ADAM12: variants seen among roughly 807,000 people sequenced by gnomAD.
The protein encoded by ADAM12 is ADAM metallopeptidase domain 12.
ADAM12 carries 70 observed loss-of-function variants against 106.4 expected under a neutral mutation model. The ratio of observed to expected loss-of-function variants is 0.66; its 90% CI spans 0.54 to 0.80. The LOEUF (loss-of-function observed/expected upper bound fraction) is 0.80. Among genes scored for constraint, ADAM12 ranks in the 30% least tolerant of loss-of-function variants. The pLI is 0.00. For synonymous variants in ADAM12, 420 were observed against 433.5 expected (o/e 0.97, Z 0.39); for missense variants, 1,010 against 1,171.9 (o/e 0.86, Z 2.02).
At position 126,042,159 on chromosome 10, in the gene ADAM12, C is replaced by G. The variant is rs34265990; in HGVS notation, c.2104+881G>C. Reference sequence around the variant, plus strand: ...AGATGAGTGTCAGTGAGGCAGTAGACGCATGCTCCTGCGATCCCACGGGCT... The same window carrying G: ...AGATGAGTGTCAGTGAGGCAGTAGAGGCATGCTCCTGCGATCCCACGGGCT... On this transcript the variant is annotated intron_variant, in intron 18 of 22. Coordinates refer to ENST00000448723, the MANE Select transcript of ADAM12 (RefSeq NM_001288973.2). The G allele has an allele frequency of 1.9e-6, 3 of 1,613,728 alleles. No individual in the cohort carries two copies. In the East Asian group the frequency reaches 6.7e-5, roughly 36 times the overall value.
chr10:126,346,303 T>G (rs969497014), intron 1 of ADAM12, among the ~76,000 whole-genome samples: 4 of 152,244 alleles, frequency 2.6e-5, no homozygotes, highest in African/African-American at 7.2e-5. Context: ...CAGGAGCAGG[T>G]TGTTCAGTTT....
chr10:126,175,249 A>C (rs1377826344), intron 3 of ADAM12, among the ~76,000 whole-genome samples: 1 of 152,212 alleles, frequency 6.6e-6, no homozygotes, highest in East Asian at 1.9e-4. Context: ...AACACACAGC[A>C]CCGGAAGACC....
chr10:126,243,072 C>G (rs1357593334), intron 3 of ADAM12, among the ~76,000 whole-genome samples: 1 of 152,214 alleles, frequency 6.6e-6, no homozygotes, highest in Non-Finnish European at 1.5e-5. Flanking sequence ...GACACATTCA[C>G]CCTGTCAGCG....
chr10:126,312,040 G>A (rs1017467498), intron 2 of ADAM12, among the ~76,000 whole-genome samples: 1 of 151,010 alleles, frequency 6.6e-6, no homozygotes, highest in Non-Finnish European at 1.5e-5. Context: ...CCCTTTGCCT[G>A]TGGGGTCGGT....
chr10:126,023,904 C>G (rs1953816980), intron 21 of ADAM12, among the ~76,000 whole-genome samples: 1 of 122,536 alleles, frequency 8.2e-6, no homozygotes, highest in African/African-American at 3.3e-5. Context: ...AAAGTGAACT[C>G]ATGGAAAAAA....
intron 2 of ADAM12, among the ~76,000 whole-genome samples, chr10:126,292,685 T>C (rs1960207011): frequency 6.6e-6 from 1 of 152,222 alleles, no homozygotes; most frequent in Non-Finnish European, 1.5e-5. Context: ...ACAGTCCCTG[T>C]CATGACTGCT....
intron 2 of ADAM12, among the ~76,000 whole-genome samples, chr10:126,279,766 G>C (rs117759218): frequency 6.6e-6 from 1 of 152,158 alleles, no homozygotes; most frequent in East Asian, 1.9e-4. Flanking sequence ...AGAGTGGAGG[G>C]AGAGTTGGGT....
chr10:126,031,581 C>A (rs1273132646), intron 21 of ADAM12, among the ~76,000 whole-genome samples: 1 of 152,196 alleles, frequency 6.6e-6, no homozygotes, highest in Non-Finnish European at 1.5e-5. Flanking sequence ...CATTCATCAC[C>A]TTTTATAAAG....
intron 2 of ADAM12, among the ~76,000 whole-genome samples, chr10:126,306,049 T>A (rs527851004): frequency 2.0e-5 from 3 of 152,170 alleles, no homozygotes; most frequent in African/African-American, 4.8e-5. Flanking sequence ...CTTAACCCCA[T>A]CTGATAATCC....
At chr10:126,328,496 G>A (rs939538668) in intron 2 of ADAM12, among the ~76,000 whole-genome samples, 2 of 152,090 alleles carry the variant, frequency 1.3e-5, no homozygotes, top group South Asian at 2.1e-4. Context: ...ATGTATACAC[G>A]TCTTCCCCAT....
In ADAM12 at chr10:126,064,496, G is replaced by A. The variant is rs974774868; in HGVS notation, c.1609+310C>T. On this transcript the variant is annotated intron_variant, in intron 14 of 22. Transcript: ENST00000448723. This position sits in a 1 kb window ranked among gnomAD's most constrained non-coding sequence, Gnocchi z 4.4. Reference sequence around the variant, plus strand: ...TGCTCCTGCAGCTCCCGTATCTCCCGGGGCACACAGGTGCTCCTGCATCTT... The same window carrying A: ...TGCTCCTGCAGCTCCCGTATCTCCCAGGGCACACAGGTGCTCCTGCATCTT... 3.9e-5 allele frequency among the ~76,000 whole-genome samples: 6 copies of A among 151,990 alleles called. No individual in the cohort carries two copies. Among genetic ancestry groups the A allele is most frequent in the African/African-American group, 7.2e-5 (3 of 41,380 alleles).
chr10:126,152,501 C>A (rs1319136351), intron 4 of ADAM12, among the ~76,000 whole-genome samples: 1 of 151,714 alleles, frequency 6.6e-6, no homozygotes, highest in Non-Finnish European at 1.5e-5. Context: ...CCCTTTATGC[C>A]TATTAATGTC....
chr10:126,343,846 C>T (rs1855031173), intron 1 of ADAM12, among the ~76,000 whole-genome samples: 1 of 152,182 alleles, frequency 6.6e-6, no homozygotes, highest in Admixed American at 6.5e-5. Context: ...AGTGTCTGTT[C>T]ATATCCTTCA....
intron 21 of ADAM12, among the ~76,000 whole-genome samples, chr10:126,027,414 A>AT (rs1257573122): frequency 2.9e-5 from 4 of 139,674 alleles, no homozygotes; most frequent in South Asian, 4.5e-4. Context: ...CCTGGGAGAG[A>AT]TAAAAAAAAA....
chr10:126,173,204 A>C (rs562114545), intron 3 of ADAM12, among the ~76,000 whole-genome samples: 124 of 152,290 alleles, frequency 8.1e-4, no homozygotes, highest in African/African-American at 2.8e-3. Context: ...GTGTATACCT[A>C]TGTAACGAAC....
intron 1 of ADAM12, among the ~76,000 whole-genome samples, chr10:126,364,230 A>C (rs1253376052): frequency 6.6e-6 from 1 of 152,168 alleles, no homozygotes; most frequent in Non-Finnish European, 1.5e-5. Context: ...TATTAAAATC[A>C]ATGGTGAAAT....
chr10:126,361,503 G>C (rs894531166), intron 1 of ADAM12, among the ~76,000 whole-genome samples: 1 of 152,138 alleles, frequency 6.6e-6, no homozygotes, highest in Admixed American at 6.5e-5. Context: ...AAAGAACAAA[G>C]CTGAAGGCAT....
At chr10:126,363,283 T>A (rs1484699594) in intron 1 of ADAM12, among the ~76,000 whole-genome samples, 2 of 152,180 alleles carry the variant, frequency 1.3e-5, no homozygotes, top group Non-Finnish European at 2.9e-5. Flanking sequence ...AAGATTTATG[T>A]TCCATAAAGA....
At chr10:126,074,373 A>G (rs1955058059) in intron 11 of ADAM12, among the ~76,000 whole-genome samples, 1 of 151,780 alleles carries the variant, frequency 6.6e-6, no homozygotes, top group Non-Finnish European at 1.5e-5. Context: ...CTAAGCTCAG[A>G]CATGCCTTCC....
Sources: gnomAD v4.1 joint callset for allele counts (sites outside exome capture counted in the v4.1 genomes callset) on GRCh38, gnomAD v4.1.1 for gene constraint, Gnocchi (gnomAD v3.1) non-coding constraint, MANE v1.5 for transcripts, NCBI Gene and HGNC (gene_info 2026-07-23, HGNC 2026-07-21) for gene names.